Variants in LRP1B observed in about 807,000 individuals in gnomAD.
The protein encoded by LRP1B is LDL receptor related protein 1B, also known as low-density lipoprotein receptor-related protein 1B.
Under a neutral mutation model 556.6 loss-of-function variants are expected in LRP1B, and 217 were observed. The observed-to-expected ratio is 0.39, with a 90% confidence interval of 0.35 to 0.44. LRP1B has a LOEUF of 0.44. Ranked by LOEUF, LRP1B falls within the 20% of genes least tolerant of loss-of-function variation. The probability of loss-of-function intolerance (pLI) is 1.00; values close to 1 mark genes in which losing one functional copy is unlikely to be tolerated. For synonymous variants in LRP1B, 2,047 were observed against 1,865.8 expected, an observed-to-expected ratio of 1.10 and a Z score of -2.50; for missense variants, 5,053 against 5,620.8, an observed-to-expected ratio of 0.90 and a Z score of 3.23.
At chr2:141,038,239 G>C (rs1698595256) in intron 11 of LRP1B, among the ~76,000 whole-genome samples, 1 of 152,066 alleles carries the variant, frequency 6.6e-6, no homozygotes, top group Non-Finnish European at 1.5e-5. Flanking sequence ...CTCCGGGCCA[G>C]AGGCAGCACA....
rs772683789 is a variant in LRP1B at position 140,998,599 on chromosome 2, A to C, written c.2504-4464T>G. ...TGACCATGACGGACAAGATTCAAAA[A>C]GACAAAGAGTCCAGCCTACTCTCAT... On this transcript the variant is annotated intron_variant, in intron 15 of 90. Transcript: ENST00000389484. Among the ~76,000 whole-genome samples, 3 of 152,096 alleles carry C rather than the reference A, an allele frequency of 2.0e-5. No homozygotes were observed. In the South Asian group the frequency reaches 6.2e-4, roughly 31 times the overall value.
At chr2:140,508,863 C>A (rs1003335901) in intron 52 of LRP1B, among the ~76,000 whole-genome samples, 24 of 152,140 alleles carry the variant, frequency 1.6e-4, no homozygotes, top group African/African-American at 5.8e-4. Flanking sequence ...ATACTGGGAC[C>A]ATCTGGATCC....
intron 32 of LRP1B, among the ~76,000 whole-genome samples, chr2:140,809,727 G>A (rs1690850782): frequency 6.6e-6 from 1 of 152,158 alleles, no homozygotes; most frequent in Non-Finnish European, 1.5e-5. Flanking sequence ...GAATCTGGGA[G>A]CAGCCATGTG....
intron 2 of LRP1B, among the ~76,000 whole-genome samples, chr2:141,804,770 A>G (rs1239399854): frequency 6.6e-6 from 1 of 152,062 alleles, no homozygotes; most frequent in Non-Finnish European, 1.5e-5. Context: ...TATTCTGAGC[A>G]CTTTACTGTG....
intron 2 of LRP1B, among the ~76,000 whole-genome samples, chr2:141,507,862 G>A (rs1429210588): frequency 6.6e-6 from 1 of 151,968 alleles, no homozygotes; most frequent in Admixed American, 6.6e-5. Context: ...GAGGTGGATG[G>A]ATCACCTGAG....
intron 21 of LRP1B, among the ~76,000 whole-genome samples, chr2:140,915,981 T>C (rs1694566806): frequency 6.6e-6 from 1 of 151,582 alleles, no homozygotes; most frequent in Non-Finnish European, 1.5e-5. Context: ...TGAGCCGAGA[T>C]CTCGCCACTG....
intron 83 of LRP1B, among the ~76,000 whole-genome samples, chr2:140,298,204 A>G (rs548766248): frequency 6.6e-6 from 1 of 152,302 alleles, no homozygotes; most frequent in East Asian, 1.9e-4. Flanking sequence ...ATCAAAGATC[A>G]TTTTATGAAT....
At chr2:141,279,993 C>G (rs770212269) in intron 3 of LRP1B, among the ~76,000 whole-genome samples, 6 of 152,054 alleles carry the variant, frequency 3.9e-5, no homozygotes, top group Non-Finnish European at 7.4e-5. Context: ...CTTCTACCAG[C>G]AGATTTGTGC....
intron 41 of LRP1B, among the ~76,000 whole-genome samples, chr2:140,678,596 T>G (rs191122022): frequency 6.6e-6 from 1 of 152,274 alleles, no homozygotes; most frequent in African/African-American, 2.4e-5. Flanking sequence ...CCTCTAAAAA[T>G]AATTCACTGG....
chr2:141,061,812 T>G (rs1699344036), intron 8 of LRP1B, among the ~76,000 whole-genome samples: 1 of 151,852 alleles, frequency 6.6e-6, no homozygotes. Context: ...TTTTGTTTTT[T>G]GTTTACTTGT....
At chr2:141,291,359 C>G (rs1181741750) in intron 3 of LRP1B, among the ~76,000 whole-genome samples, 1 of 152,050 alleles carries the variant, frequency 6.6e-6, no homozygotes, top group Non-Finnish European at 1.5e-5. Flanking sequence ...AACGACTCAA[C>G]TTTTTTATAT....
chr2:141,840,062 G>T (rs1199086339), intron 1 of LRP1B, among the ~76,000 whole-genome samples: 1 of 152,028 alleles, frequency 6.6e-6, no homozygotes, highest in Admixed American at 6.6e-5. Context: ...CTCTCAGGTA[G>T]AGTTGGCCAA....
At chr2:141,829,927 A>G (rs993157655) in intron 1 of LRP1B, among the ~76,000 whole-genome samples, 5 of 151,986 alleles carry the variant, frequency 3.3e-5, no homozygotes, top group African/African-American at 9.7e-5. Context: ...GCATGAGGAA[A>G]AGTGTATAAT....
At chr2:140,328,248 G>A (rs1374196952) in intron 79 of LRP1B, among the ~76,000 whole-genome samples, 1 of 151,910 alleles carries the variant, frequency 6.6e-6, no homozygotes, top group Non-Finnish European at 1.5e-5. Flanking sequence ...TTTTAATTAA[G>A]TATAATAGAA....
intron 60 of LRP1B, among the ~76,000 whole-genome samples, chr2:140,465,773 T>C (rs1219575099): frequency 6.6e-6 from 1 of 151,792 alleles, no homozygotes; most frequent in African/African-American, 2.4e-5. Flanking sequence ...ATTTAATGTA[T>C]TCAAGGGACA....
Position 141,062,117 on chromosome 2 carries a change from GTAAAGATCTACCCAGTAA to G in LRP1B, c.1152_1169del (p.Tyr385_Tyr390del). ...AGTCCACTACTCCCACATAGTCCAAGTAAAGATCTACCCAGTAAACCAATTTGTTGACTAGGTCTAGTG... is the reference window on the plus strand; with the variant it reads ...AGTCCACTACTCCCACATAGTCCAAGACCAATTTGTTGACTAGGTCTAGTG... On this transcript the variant is annotated inframe_deletion, in exon 8 of 91. Transcript: ENST00000389484. 6.2e-7 allele frequency: 1 copy of G among 1,611,916 alleles called. No individual in the cohort carries two copies. Among genetic ancestry groups the G allele is most frequent in the Non-Finnish European group, 8.5e-7 (1 of 1,178,700 alleles).
chr2:140,751,344 A>G (rs148263116), intron 35 of LRP1B, among the ~76,000 whole-genome samples: 1 of 152,214 alleles, frequency 6.6e-6, no homozygotes, highest in East Asian at 1.9e-4. Flanking sequence ...TCTCCATAAA[A>G]TATATATAAA....
Position 141,610,076 on chromosome 2 carries a change from A to G in LRP1B, c.206-129543T>C, listed in dbSNP as rs1291929815. Among the ~76,000 whole-genome samples, 4 of 152,254 alleles carry G rather than the reference A, an allele frequency of 2.6e-5. No homozygotes were observed. In the South Asian group the frequency reaches 8.3e-4, roughly 32 times the overall value. ...ATTTGTAATTATTGTGTTCTTGGCT[A>G]ATTAATGCAACTATTTGCAGCTCTC... On this transcript the variant is annotated intron_variant, in intron 2 of 90. Transcript: ENST00000389484.
intron 2 of LRP1B, among the ~76,000 whole-genome samples, chr2:141,505,162 TCTATTATACTGATACAGTATAACAGCA>T (rs761393943): frequency 1.2e-4 from 19 of 152,002 alleles, no homozygotes; most frequent in Non-Finnish European, 2.1e-4. Context: ...TAAAGTCATT[TCTATTATACTGATACAGTATAACAGCA>T]CTTCTCAGAG....
Sources: gnomAD v4.1 joint callset for allele counts (sites outside exome capture counted in the v4.1 genomes callset) on GRCh38, gnomAD v4.1.1 for gene constraint, MANE v1.5 for transcripts, NCBI Gene and HGNC (gene_info 2026-07-23, HGNC 2026-07-21) for gene names.